COMT: variants seen among roughly 807,000 people sequenced by gnomAD.
The protein encoded by COMT is catechol-O-methyltransferase.
In COMT, 13 loss-of-function variants were observed where a neutral mutation model predicts 18.9. The observed-to-expected ratio is 0.69, with a 90% CI of 0.45 to 1.09. The LOEUF is 1.09. Among genes scored for constraint, COMT ranks in the 50% least tolerant of loss-of-function variants. The pLI, the probability that COMT is intolerant of heterozygous loss-of-function variation, is 0.00. For synonymous variants in COMT, 150 were observed against 160.9 expected (o/e 0.93, Z 0.51); for missense variants, 329 against 361.8 (o/e 0.91, Z 0.73).
intron 1 of COMT, among the ~76,000 whole-genome samples, chr22:19,952,719 G>C (rs143796112): frequency 0.014 from 2,124 of 151,428 alleles, 54 homozygotes; most frequent in African/African-American, 0.049. Context: ...TTGGGAGGCC[G>C]AGGTGGGCAG....
At chr22:19,945,254 A>G (rs977192765) in intron 1 of COMT, among the ~76,000 whole-genome samples, 29 of 152,196 alleles carry the variant, frequency 1.9e-4, no homozygotes, top group Admixed American at 9.8e-4. Flanking sequence ...GAACCTTGGG[A>G]TATTTGGAAG....
intron 5 of COMT, chr22:19,964,750 C>G: frequency 2.3e-6 from 1 of 430,550 alleles, no homozygotes; most frequent in East Asian, 4.7e-5. Context: ...TGCATTCCCC[C>G]AACCCAGCCC....
intron 5 of COMT, among the ~76,000 whole-genome samples, chr22:19,968,081 CCCA>C (rs1236376984): frequency 2.0e-5 from 3 of 152,150 alleles, no homozygotes; most frequent in Non-Finnish European, 4.4e-5. Flanking sequence ...GGAGGTCTGC[CCCA>C]CCTCAGCCCT....
Position 19,941,896 on chromosome 22 carries a change from A to G in COMT, c.-93A>G. On this transcript the variant is annotated splice_region_variant and 5_prime_UTR_variant, in exon 1 of 6. Coordinates refer to ENST00000361682, the MANE Select transcript of COMT (RefSeq NM_000754.4). Reference sequence around the variant, plus strand: ...AGTCCCGGGCGGGCCGTCGCGGGAGAGGTGAGAGCGCTGGCTAGACCGGGG... The same window carrying G: ...AGTCCCGGGCGGGCCGTCGCGGGAGGGGTGAGAGCGCTGGCTAGACCGGGG... 1 of 1,308,524 alleles carries G rather than the reference A, an allele frequency of 7.6e-7. No individual in the cohort carries two copies. Among genetic ancestry groups the G allele is most frequent in the South Asian group, 1.7e-5 (1 of 57,538 alleles). 81.1% of individuals were successfully genotyped at this position (1,308,524 alleles called of 1,614,324 possible). A position where few individuals can be genotyped will look rare whatever the true frequency, so the allele number is the denominator to read the frequency against.
intron 1 of COMT, among the ~76,000 whole-genome samples, chr22:19,958,680 C>T (rs886539063): frequency 1.3e-4 from 19 of 147,262 alleles, no homozygotes; most frequent in Non-Finnish European, 2.4e-4. Flanking sequence ...AGGAGACTAG[C>T]CTGGGCAAAA....
chr22:19,957,730 T>A (rs1200921598), intron 1 of COMT, among the ~76,000 whole-genome samples: 1 of 152,188 alleles, frequency 6.6e-6, no homozygotes, highest in Non-Finnish European at 1.5e-5. Context: ...TGCCCTCTAC[T>A]GTGCTGGAGA....
At chr22:19,967,031 G>T in intron 5 of COMT, 1 of 1,202,316 alleles carries the variant, frequency 8.3e-7, no homozygotes, top group South Asian at 1.6e-5. Context: ...AGTGTCGGGC[G>T]ACAGGCAGGA....
intron 5 of COMT, chr22:19,964,804 G>A (rs1057141130): frequency 1.2e-5 from 4 of 331,148 alleles, no homozygotes; most frequent in East Asian, 1.4e-4. Context: ...CTAGACAGCG[G>A]GTGGGGCTGT....
At position 19,963,583 on chromosome 22, in the gene COMT, G is replaced by A. The variant is rs778219405; in HGVS notation, c.307G>A (p.Val103Met). The change falls in exon 4 of 6, where the codon GTG becomes ATG. Residue 103 changes from valine (V) to methionine (M), a missense_variant. Physicochemically the swap from Val to Met is conservative, Grantham distance 21 (BLOSUM62 1). Transcript: ENST00000361682. ...CTGCACAGGCAAGATCGTGGACGCCGTGATTCAGGAGCACCAGCCCTCCGT... is the reference window on the plus strand; with the variant it reads ...CTGCACAGGCAAGATCGTGGACGCCATGATTCAGGAGCACCAGCCCTCCGT... ...GDKKGKIVDAVIQEHQPSVLL... is the reference protein window; with the variant it reads ...GDKKGKIVDAMIQEHQPSVLL... 3.1e-6 allele frequency: 5 copies of A among 1,612,580 alleles called. No homozygotes were observed. Among genetic ancestry groups the A allele is most frequent in the South Asian group, 1.1e-5 (1 of 91,080 alleles).
At chr22:19,967,101 C>T in intron 5 of COMT, 1 of 1,267,830 alleles carries the variant, frequency 7.9e-7, no homozygotes, top group East Asian at 5.7e-5. Flanking sequence ...CCCTGGCAGC[C>T]TCCAAAGGTG....
intron 1 of COMT, among the ~76,000 whole-genome samples, chr22:19,958,722 CAAAAAA>C (rs361549): frequency 1.0e-4 from 9 of 87,244 alleles, no homozygotes; most frequent in African/African-American, 3.3e-4. Flanking sequence ...CCATCTCTAC[CAAAAAA>C]AAAAAAAAAA....
intron 1 of COMT, among the ~76,000 whole-genome samples, chr22:19,949,143 T>C (rs781662300): frequency 6.6e-6 from 1 of 152,002 alleles, no homozygotes; most frequent in Non-Finnish European, 1.5e-5. Flanking sequence ...CATTCACAGT[T>C]GCTTTTGTTT....
chr22:19,967,045 G>A (rs1351327876), intron 5 of COMT: 4 of 1,209,640 alleles, frequency 3.3e-6, no homozygotes, highest in Non-Finnish European at 4.2e-6. Context: ...GGCAGGACAG[G>A]TGCTGCCTTC....
At chr22:19,962,914 G>A in intron 3 of COMT, 99 bp downstream of exon 3, 1 of 1,445,748 alleles carries the variant, frequency 6.9e-7, no homozygotes, top group Non-Finnish European at 9.3e-7. Context: ...CATTTCCAGG[G>A]GGCTGGGAAC....
At chr22:19,967,033 C>T in intron 5 of COMT, 1 of 1,203,248 alleles carries the variant, frequency 8.3e-7, no homozygotes, top group South Asian at 1.6e-5. Context: ...TGTCGGGCGA[C>T]AGGCAGGACA....
At chr22:19,943,179 T>C (rs1047202747) in intron 1 of COMT, among the ~76,000 whole-genome samples, 1 of 152,164 alleles carries the variant, frequency 6.6e-6, no homozygotes, top group Admixed American at 6.5e-5. Flanking sequence ...GGAGGGTCTT[T>C]GTCAGCACTC....
At position 19,964,188 on chromosome 22, in the gene COMT, G is replaced by A. The variant is rs746938556; in HGVS notation, c.504G>A (p.Ala168=). ...TCCAGGTCACCCTTGTGGTTGGAGC[G>A]TCCCAGGACATCATCCCCCAGCTGA... The part of the protein sequence containing the change: ...VKDKVTLVVG[A]SQDIIPQLKK... The change falls in exon 5 of 6, where the codon GCG becomes GCA. Residue 168 remains alanine (A), a synonymous_variant. Transcript: ENST00000361682. 111 of 1,613,988 alleles carry A rather than the reference G, an allele frequency of 6.9e-5. No homozygotes were observed. Among genetic ancestry groups the A allele is most frequent in the South Asian group, 4.4e-4 (40 of 91,086 alleles).
intron 3 of COMT, 47 bp from the exon 4 acceptor site, chr22:19,963,519 C>T (rs756024508): frequency 4.4e-6 from 7 of 1,600,390 alleles, no homozygotes; most frequent in South Asian, 3.3e-5. Flanking sequence ...CCAAGTTCCC[C>T]TCTCTCCACC....
intron 1 of COMT, among the ~76,000 whole-genome samples, chr22:19,946,223 A>C (rs1400990872): frequency 6.6e-6 from 1 of 152,030 alleles, no homozygotes; most frequent in Non-Finnish European, 1.5e-5. Context: ...GCAGTGGCTC[A>C]GGCCTGTAAT....
Sources: gnomAD v4.1 joint callset for allele counts (sites outside exome capture counted in the v4.1 genomes callset) on GRCh38, gnomAD v4.1.1 for gene constraint, MANE v1.5 for transcripts, NCBI Gene and HGNC (gene_info 2026-07-23, HGNC 2026-07-21) for gene names.